The following MYO9A variants were observed in gnomAD, a reference collection of about 807,000 sequenced individuals.
The protein encoded by MYO9A is unconventional myosin-IXa.
Under a neutral mutation model 293.3 loss-of-function variants are expected in MYO9A, and 103 were observed. The observed-to-expected ratio is 0.35, with a 90% CI of 0.30 to 0.41. The LOEUF (loss-of-function observed/expected upper bound fraction) is 0.41, where lower values mean the gene tolerates loss of function less well. Ranked by LOEUF, MYO9A falls within the 10% of genes least tolerant of loss-of-function variation. The probability of loss-of-function intolerance (pLI) is 1.00; values close to 1 mark genes in which losing one functional copy is unlikely to be tolerated. For missense variants in MYO9A, 2,685 were observed against 3,033.0 expected (o/e 0.89, Z 2.69); for synonymous variants, 1,001 against 1,035.7 (o/e 0.97, Z 0.64).
intron 15 of MYO9A, among the ~76,000 whole-genome samples, chr15:71,948,528 T>G (rs151118137): frequency 6.6e-6 from 1 of 152,280 alleles, no homozygotes; most frequent in African/African-American, 2.4e-5. Flanking sequence ...CTAAACTCAT[T>G]TATTTATGTA....
chr15:71,944,142 C>G (rs1167612287), intron 15 of MYO9A, among the ~76,000 whole-genome samples: 1 of 152,028 alleles, frequency 6.6e-6, no homozygotes, highest in African/African-American at 2.4e-5. Flanking sequence ...ACAGATAAAT[C>G]TTCTTTTGTG....
At chr15:71,843,551 C>T (rs781330395) in intron 39 of MYO9A, among the ~76,000 whole-genome samples, 13 of 152,296 alleles carry the variant, frequency 8.5e-5, no homozygotes, top group South Asian at 2.1e-4. Flanking sequence ...TGCAGTGGTG[C>T]TATGTTGGCT....
chr15:71,999,975 T>C, intron 8 of MYO9A, 35 bp from the exon 9 acceptor site: 4 of 1,526,276 alleles, frequency 2.6e-6, no homozygotes, highest in Non-Finnish European at 2.7e-6. Flanking sequence ...ATATGTAAGA[T>C]TTATGACAAT....
chr15:71,849,203 G>A (rs543562872), intron 38 of MYO9A, among the ~76,000 whole-genome samples: 9 of 152,212 alleles, frequency 5.9e-5, no homozygotes, highest in African/African-American at 1.9e-4. Context: ...TAATCCCAGC[G>A]CTTTGGGAGG....
rs772268416 is a variant in MYO9A, at chr15:71,878,213, T to C, written c.5758A>G (p.Ile1920Val). ...SALAMDDGKSIRYKDLYALFE... is the reference protein window; with the variant it reads ...SALAMDDGKSVRYKDLYALFE... ...AGTGCATAGAGGTCTTTATACCGTA[T>C]GCTTTTCCCATCATCCATCTATAAG... The change falls in exon 31 of 42, where the codon ATA becomes GTA. Residue 1920 changes from isoleucine (I) to valine (V), a missense_variant. By Grantham distance (29) the Ile-to-Val change is conservative (BLOSUM62 3). This residue lies in a region of MYO9A where 1,434 missense variants were observed against 1,497.7 expected (regional missense o/e 0.96). Coordinates refer to ENST00000356056, the MANE Select transcript of MYO9A (RefSeq NM_006901.4). 3.9e-5 allele frequency: 60 copies of C among 1,553,922 alleles called. No individual in the cohort carries two copies. Among genetic ancestry groups the C allele is most frequent in the Non-Finnish European group, 4.6e-5 (53 of 1,155,636 alleles).
At chr15:71,910,168 G>GTGTATATATATATATATATA (rs56277057) in intron 19 of MYO9A, among the ~76,000 whole-genome samples, 5,906 of 128,112 alleles carry the variant, frequency 0.046, 378 homozygotes, top group East Asian at 0.28. Flanking sequence ...ATATATACGT[G>GTGTATATATATATATATATA]TATATATATA....
At chr15:71,853,481 A>C (rs1451717123) in intron 35 of MYO9A, among the ~76,000 whole-genome samples, 1 of 152,180 alleles carries the variant, frequency 6.6e-6, no homozygotes, top group Non-Finnish European at 1.5e-5. Context: ...ACTGCCTGTA[A>C]ACCAAAGTAG....
intron 1 of MYO9A, among the ~76,000 whole-genome samples, chr15:72,072,371 T>G (rs2079221770): frequency 6.6e-6 from 1 of 152,114 alleles, no homozygotes; most frequent in Non-Finnish European, 1.5e-5. Context: ...GACCTCGTGA[T>G]CCACCCGCCT....
intron 6 of MYO9A, among the ~76,000 whole-genome samples, chr15:72,014,997 C>T (rs1407960742): frequency 6.8e-6 from 1 of 147,054 alleles, no homozygotes; most frequent in African/African-American, 2.4e-5. Flanking sequence ...GCACGTATCA[C>T]CACGCCCTGC....
intron 23 of MYO9A, 113 bp from the exon 24 acceptor site, chr15:71,900,119 A>G: frequency 9.1e-7 from 1 of 1,095,142 alleles, no homozygotes; most frequent in South Asian, 1.7e-5. Flanking sequence ...GTGGCTATGC[A>G]GCTAAATTCT....
At chr15:71,984,643 C>A (rs1423504583) in intron 11 of MYO9A, among the ~76,000 whole-genome samples, 1 of 152,122 alleles carries the variant, frequency 6.6e-6, no homozygotes, top group African/African-American at 2.4e-5. Flanking sequence ...ATTCATTAGG[C>A]TCAGTATTTT....
chr15:71,914,099 A>G (rs2057939472), intron 19 of MYO9A, among the ~76,000 whole-genome samples: 2 of 151,902 alleles, frequency 1.3e-5, no homozygotes, highest in Admixed American at 1.3e-4. Flanking sequence ...TCTTCATACA[A>G]TTTCCTTCTC....
intron 19 of MYO9A, among the ~76,000 whole-genome samples, chr15:71,915,420 T>C (rs1021438936): frequency 6.6e-6 from 1 of 151,862 alleles, no homozygotes; most frequent in Non-Finnish European, 1.5e-5. Context: ...GTCTTGCTTT[T>C]TCATTTCTTT....
chr15:72,095,983 T>G (rs536221075), intron 1 of MYO9A, among the ~76,000 whole-genome samples: 2 of 151,756 alleles, frequency 1.3e-5, no homozygotes, highest in South Asian at 2.1e-4. Context: ...CCTGGCCAAC[T>G]TGGAAAAACC....
At chr15:72,006,126 G>A (rs35115747) in intron 8 of MYO9A, among the ~76,000 whole-genome samples, 29,878 of 152,070 alleles carry the variant, frequency 0.2, 3,202 homozygotes, top group East Asian at 0.41. Context: ...TACCCAGGCT[G>A]GAGTGTAGTG....
Position 71,897,488 on chromosome 15 carries a change from G to A in MYO9A, c.5015C>T (p.Thr1672Ile). The A allele has an allele frequency of 1.2e-6, 2 of 1,613,276 alleles. No homozygotes were observed. Among genetic ancestry groups the A allele is most frequent in the East Asian group, 2.2e-5 (1 of 44,872 alleles). Residue 1672 changes from threonine (T) to isoleucine (I), a missense_variant, in exon 25 of 42, where the codon ACT (threonine) becomes ATT (isoleucine). Transcript: ENST00000356056. ...GGGAATACTCATATTGTCCTTTGGAGTGAAGAAAATGGGCCTAGCATTTCC... is the reference window on the plus strand; with the variant it reads ...GGGAATACTCATATTGTCCTTTGGAATGAAGAAAATGGGCCTAGCATTTCC... ...REGNARPIFF[T>I]PKDNMSIPLV...
intron 3 of MYO9A, 135 bp downstream of exon 3, chr15:72,032,359 T>TA: frequency 7.5e-6 from 4 of 535,930 alleles, no homozygotes; most frequent in South Asian, 1.2e-4. Context: ...TTTCCAAAAC[T>TA]AAAAAAAGTT....
In MYO9A at chr15:71,959,929, A is replaced by G. The variant is rs2059287799; in HGVS notation, c.2154T>C (p.Ala718=). 2 of 1,613,618 alleles carry G rather than the reference A, an allele frequency of 1.2e-6. No individual in the cohort carries two copies. Among genetic ancestry groups the G allele is most frequent in the African/African-American group, 2.7e-5 (2 of 74,866 alleles). The change falls in exon 14 of 42, where the codon GCT becomes GCC. Residue 718 remains alanine (A), a synonymous_variant. Coordinates refer to ENST00000356056, the MANE Select transcript of MYO9A (RefSeq NM_006901.4). ...FFRAMVAFRE[A]GKRNIHRKTG... is the part of the protein sequence containing the mutation. ...TTTTTCTGTGAATGTTTCTTTTCCC[A>G]GCTTCCCTGAAAGCAACCATGGCTC...
At chr15:71,990,022 CATCTCTAAAA>C (rs935144865) in intron 11 of MYO9A, among the ~76,000 whole-genome samples, 1 of 151,594 alleles carries the variant, frequency 6.6e-6, no homozygotes, top group African/African-American at 2.4e-5. Context: ...CAAGAAGACC[CATCTCTAAAA>C]AAACACACTC....
Sources: allele counts gnomAD v4.1 joint callset (sites outside exome capture counted in the v4.1 genomes callset), GRCh38; gene constraint gnomAD v4.1.1; regional missense constraint gnomAD v4.1.1; transcripts MANE v1.5; gene names NCBI Gene and HGNC (gene_info 2026-07-23, HGNC 2026-07-21).